Variants in BRPF1 observed in about 807,000 individuals in gnomAD.
The protein encoded by BRPF1 is bromodomain and PHD finger containing 1.
BRPF1 carries 15 observed loss-of-function variants against 115.0 expected under a neutral mutation model. The ratio of observed to expected loss-of-function variants is 0.13; its 90% CI spans 0.09 to 0.20. The LOEUF (loss-of-function observed/expected upper bound fraction) is 0.20, where lower values mean the gene tolerates loss of function less well. Ranked by LOEUF, BRPF1 falls within the 10% of genes least tolerant of loss-of-function variation. BRPF1 has a pLI of 1.00. For synonymous variants in BRPF1, 647 were observed against 619.8 expected (o/e 1.04, Z -0.65); for missense variants, 1,118 against 1,638.3 (o/e 0.68, Z 5.48).
In BRPF1 at chr3:9,739,365, G is replaced by T; in HGVS notation, c.966G>T (p.Gln322His). 5.6e-6 allele frequency: 9 copies of T among 1,614,226 alleles called. No individual in the cohort carries two copies. Among genetic ancestry groups the T allele is most frequent in the Non-Finnish European group, 7.6e-6 (9 of 1,180,042 alleles). The change falls in exon 3 of 14, where the codon CAG (glutamine) becomes CAT (histidine). Residue 322 changes from glutamine to histidine, a missense_variant. Around this residue, in one of 10 missense-constraint regions of BRPF1, gnomAD observed 64 missense variants for 172.8 expected, o/e 0.37. Coordinates refer to ENST00000383829, the MANE Select transcript of BRPF1 (RefSeq NM_001003694.2). ...EGQWLCRRCLQSPSRAVDCAL... is the reference protein window; with the variant it reads ...EGQWLCRRCLHSPSRAVDCAL... The stretch of plus-strand genomic sequence containing the variant: ...AGTGGCTGTGCCGCCGTTGCCTGCA[G>T]TCACCCTCTCGTGCTGTGGATTGTG...
In BRPF1 at chr3:9,734,702, A is replaced by G. The variant is rs893105619; in HGVS notation, c.562A>G (p.Thr188Ala). 5.6e-6 allele frequency: 9 copies of G among 1,613,960 alleles called. No individual in the cohort carries two copies. Among genetic ancestry groups the G allele is most frequent in the Non-Finnish European group, 7.6e-6 (9 of 1,180,004 alleles). ...GGTCTATCGGGAGCTGGAACAGGACACCCCTGATGCCCCACCCCGGCCAAC... is the reference window on the plus strand; with the variant it reads ...GGTCTATCGGGAGCTGGAACAGGACGCCCCTGATGCCCCACCCCGGCCAAC... Reference protein sequence around the residue: ...EVVYRELEQDTPDAPPRPTSY... With the variant: ...EVVYRELEQDAPDAPPRPTSY... Residue 188 changes from threonine to alanine, a missense_variant, in exon 2 of 14, where the codon ACC becomes GCC. Coordinates refer to ENST00000383829, the MANE Select transcript of BRPF1 (RefSeq NM_001003694.2). This position sits in a 1 kb window ranked among gnomAD's most constrained non-coding sequence, Gnocchi z 5.7.
chr3:9,744,810 C>T (rs919894908), intron 9 of BRPF1, among the ~76,000 whole-genome samples, 198 bp from the exon 10 acceptor site: 21 of 152,280 alleles, frequency 1.4e-4, no homozygotes, highest in African/African-American at 4.6e-4. Flanking sequence ...CAGTAACTGC[C>T]GAGGGAAGCA....
chr3:9,741,945 G>A (rs1413923892), intron 5 of BRPF1, 80 bp from the exon 6 acceptor site: 3 of 1,545,630 alleles, frequency 1.9e-6, no homozygotes, highest in African/African-American at 2.7e-5. Context: ...GGGTTCCCAG[G>A]CCAGCTGGGA....
chr3:9,735,954 A>G (rs1468169497), intron 2 of BRPF1, among the ~76,000 whole-genome samples: 3 of 151,428 alleles, frequency 2.0e-5, no homozygotes, highest in East Asian at 1.9e-4. Flanking sequence ...AAGCTTTTAT[A>G]TGAAAAGCAT....
chr3:9,742,097 C>A lies in BRPF1; in HGVS notation c.1927C>A (p.Gln643Lys), dbSNP rs774529688. The part of the protein sequence containing the change: ...FLILLRKTLE[Q>K]LQEKDTGNIF... Reference sequence around the variant, plus strand: ...CATCCTCCTTCGCAAAACCTTGGAGCAGCTCCAAGAGAAGGACACAGGCAA... The same window carrying A: ...CATCCTCCTTCGCAAAACCTTGGAGAAGCTCCAAGAGAAGGACACAGGCAA... The change falls in exon 6 of 14, where the codon CAG becomes AAG. Residue 643 changes from glutamine (Q) to lysine (K), a missense_variant. Gln to Lys is a moderately conservative substitution (Grantham distance 53). Around this residue, in one of 10 missense-constraint regions of BRPF1, gnomAD observed 178 missense variants for 303.7 expected, o/e 0.59. Transcript: ENST00000383829. 7 of 1,614,098 alleles carry A rather than the reference C, an allele frequency of 4.3e-6. No homozygotes were observed. Among genetic ancestry groups the A allele is most frequent in the Admixed American group, 1.7e-5 (1 of 60,010 alleles).
rs779586326 is a variant in BRPF1 at position 9,743,221 on chromosome 3, C to A, written c.2279C>A (p.Ala760Asp). 1.9e-6 allele frequency: 3 copies of A among 1,614,044 alleles called. No homozygotes were observed. The highest frequency in any genetic ancestry group is 2.5e-6 in the Non-Finnish European group (3 of 1,179,930). Residue 760 changes from alanine to aspartate, a missense_variant, in exon 7 of 14, where the codon GCT (alanine) becomes GAT (aspartate). Physicochemically the swap from Ala to Asp is moderately radical, Grantham distance 126. Around this residue, in one of 10 missense-constraint regions of BRPF1, gnomAD observed 223 missense variants for 240.7 expected, o/e 0.93. Transcript: ENST00000383829. This position sits in a 1 kb window ranked among gnomAD's most constrained non-coding sequence, Gnocchi z 6.1. ...ETGMHIPHSL[A>D]GDEATHHTED... is the part of the protein sequence containing the mutation. ...GGCATGCATATCCCCCACAGCCTGGCTGGAGATGAGGCCACACACCACACT... is the reference window on the plus strand; with the variant it reads ...GGCATGCATATCCCCCACAGCCTGGATGGAGATGAGGCCACACACCACACT...
Position 9,734,217 on chromosome 3 carries a change from A to G in BRPF1, c.77A>G (p.Glu26Gly), listed in dbSNP as rs2076901584. 1.2e-6 allele frequency: 2 copies of G among 1,614,072 alleles called. No individual in the cohort carries two copies. Among genetic ancestry groups the G allele is most frequent in the Non-Finnish European group, 8.5e-7 (1 of 1,180,020 alleles). ...AAGCCACCATACGAGTGCCCGGTGG[A>G]GACCTGCCGAAAGGTCTACAAGAGT... ...ATKPPYECPV[E>G]TCRKVYKSYS... Residue 26 changes from glutamate to glycine, a missense_variant, in exon 2 of 14, where the codon GAG becomes GGG. Around this residue, in one of 10 missense-constraint regions of BRPF1, gnomAD observed 280 missense variants for 382.8 expected, o/e 0.73. Coordinates refer to ENST00000383829, the MANE Select transcript of BRPF1 (RefSeq NM_001003694.2). This position sits in a 1 kb window ranked among gnomAD's most constrained non-coding sequence, Gnocchi z 5.7.
intron 2 of BRPF1, among the ~76,000 whole-genome samples, chr3:9,737,118 T>C (rs939128160): frequency 5.3e-5 from 8 of 152,202 alleles, no homozygotes; most frequent in African/African-American, 1.9e-4. Context: ...TGCAGTCACC[T>C]TGGGGAAGAG....
At chr3:9,733,431 A>C (rs2076888895) in intron 1 of BRPF1, 1 of 152,222 alleles carries the variant, frequency 6.6e-6, no homozygotes, top group Non-Finnish European at 1.5e-5. Flanking sequence ...GGGGATACAG[A>C]GGTGGATAGG....
intron 2 of BRPF1, among the ~76,000 whole-genome samples, chr3:9,735,093 A>T (rs1190617584): frequency 6.8e-6 from 1 of 148,118 alleles, no homozygotes; most frequent in African/African-American, 2.5e-5. Flanking sequence ...GCTCACCCCA[A>T]CTTCCTCCTT....
chr3:9,741,066 A>G, intron 4 of BRPF1, 125 bp downstream of exon 4: 1 of 1,136,780 alleles, frequency 8.8e-7, no homozygotes, highest in Non-Finnish European at 1.2e-6. Context: ...TAGCCCTCAA[A>G]CCAGGATCAG....
At chr3:9,740,481 G>A (rs1411192969) in intron 3 of BRPF1, among the ~76,000 whole-genome samples, 1 of 152,118 alleles carries the variant, frequency 6.6e-6, no homozygotes, top group Admixed American at 6.6e-5. Flanking sequence ...GGGCTCCCAG[G>A]GTCAAATAGT....
chr3:9,744,939 C>G, intron 9 of BRPF1, 69 bp from the exon 10 acceptor site: 2 of 1,602,866 alleles, frequency 1.2e-6, no homozygotes, highest in Non-Finnish European at 1.7e-6. Flanking sequence ...GTCCCTCTTA[C>G]CTCCATGTCA....
At chr3:9,741,109 A>G (rs748043133) in intron 4 of BRPF1, among the ~76,000 whole-genome samples, 168 bp downstream of exon 4, 2 of 152,234 alleles carry the variant, frequency 1.3e-5, no homozygotes, top group African/African-American at 2.4e-5. Flanking sequence ...TGTTGTTCCT[A>G]TGTGTTTATG....
In BRPF1 at chr3:9,739,116, C is replaced by T. The variant is rs1431013117; in HGVS notation, c.717C>T (p.Pro239=). The part of the protein sequence containing the change: ...NERRKTEGVS[P]IPQEIFEYLM... ...GTCGGAAGACAGAGGGTGTAAGTCC[C>T]ATCCCGCAGGAGATCTTTGAGTACC... The change falls in exon 3 of 14, where the codon CCC becomes CCT. Residue 239 remains proline (P), a synonymous_variant. Transcript: ENST00000383829. 1.9e-6 allele frequency: 3 copies of T among 1,613,956 alleles called. No individual in the cohort carries two copies. The highest frequency in any genetic ancestry group is 1.1e-5 in the South Asian group (1 of 91,062).
intron 1 of BRPF1, chr3:9,733,321 A>C (rs1559653226): frequency 6.6e-6 from 1 of 152,196 alleles, no homozygotes; most frequent in Non-Finnish European, 1.5e-5. Context: ...CCTTCATCCC[A>C]TCTGAGCTCT....
At chr3:9,737,758 A>G (rs1022358661) in intron 2 of BRPF1, among the ~76,000 whole-genome samples, 1 of 152,236 alleles carries the variant, frequency 6.6e-6, no homozygotes, top group East Asian at 1.9e-4. Context: ...ATTTTACACC[A>G]AGGTGCTCAC....
intron 9 of BRPF1, among the ~76,000 whole-genome samples, 176 bp from the exon 10 acceptor site, chr3:9,744,832 A>G (rs1039265507): frequency 6.6e-6 from 1 of 152,210 alleles, no homozygotes; most frequent in Admixed American, 6.5e-5. Flanking sequence ...GGGGTGGAGC[A>G]GGGCTGTGGC....
chr3:9,734,136 A>G lies in BRPF1; in HGVS notation c.-5A>G. 6.3e-7 allele frequency: 1 copy of G among 1,595,104 alleles called. No homozygotes were observed. Among genetic ancestry groups the G allele is most frequent in the Non-Finnish European group, 8.6e-7 (1 of 1,169,128 alleles). On this transcript the variant is annotated 5_prime_UTR_variant, in exon 2 of 14. An upstream open reading frame in the 5' UTR loses its in-frame stop. Transcript: ENST00000383829. The surrounding 1 kb of genome is among the most constrained non-coding windows in gnomAD (Gnocchi z 5.7). Reference sequence around the variant, plus strand: ...AACTGATCTGTGTATTCTAGATGTGACAGCATGGGGGTGGACTTTGATGTG... The same window carrying G: ...AACTGATCTGTGTATTCTAGATGTGGCAGCATGGGGGTGGACTTTGATGTG...
Sources: allele counts gnomAD v4.1 joint callset (sites outside exome capture counted in the v4.1 genomes callset), GRCh38; gene constraint gnomAD v4.1.1; regional missense constraint gnomAD v4.1.1; non-coding constraint Gnocchi (gnomAD v3.1); transcripts MANE v1.5; gene names NCBI Gene and HGNC (gene_info 2026-07-23, HGNC 2026-07-21).